Variants in CILK1 observed in about 807,000 individuals in gnomAD.
CILK1 encodes the protein serine/threonine-protein kinase ICK.
Under a neutral mutation model 79.2 loss-of-function variants are expected in CILK1, and 47 were observed. The ratio of observed to expected loss-of-function variants is 0.59; its 90% CI spans 0.47 to 0.76. CILK1 has a LOEUF of 0.76. Ranked by LOEUF, CILK1 falls within the 30% of genes least tolerant of loss-of-function variation. The probability of loss-of-function intolerance (pLI) is 0.00; values close to 1 mark genes in which losing one functional copy is unlikely to be tolerated. For missense variants in CILK1, 660 were observed against 769.5 expected, an observed-to-expected ratio of 0.86 and a Z score of 1.68; for synonymous variants, 266 against 275.9, an observed-to-expected ratio of 0.96 and a Z score of 0.36.
At chr6:53,022,419 G>A (rs956658679) in intron 5 of CILK1, among the ~76,000 whole-genome samples, 2 of 152,118 alleles carry the variant, frequency 1.3e-5, no homozygotes, top group African/African-American at 4.8e-5. Flanking sequence ...TTACCATTGT[G>A]TTACAATTGC....
At chr6:53,016,327 C>G in intron 7 of CILK1, 77 bp from the exon 8 acceptor site, 1 of 1,470,208 alleles carries the variant, frequency 6.8e-7, no homozygotes, top group Non-Finnish European at 9.5e-7. Flanking sequence ...ATGTGTGCCC[C>G]AAATGGAAAG....
intron 5 of CILK1, among the ~76,000 whole-genome samples, chr6:53,021,075 C>G (rs939251406): frequency 6.6e-6 from 1 of 152,208 alleles, no homozygotes; most frequent in African/African-American, 2.4e-5. Context: ...AATCCCAACA[C>G]TTTGGGAGGC....
intron 4 of CILK1, 38 bp from the exon 5 acceptor site, chr6:53,031,182 G>C (rs1177907290): frequency 1.5e-6 from 2 of 1,296,348 alleles, no homozygotes; most frequent in East Asian, 2.3e-5. Flanking sequence ...ATAAATCAAA[G>C]GCCAGATCCT....
chr6:53,014,317 C>A (rs186927517), intron 8 of CILK1, among the ~76,000 whole-genome samples: 2 of 152,254 alleles, frequency 1.3e-5, no homozygotes, highest in East Asian at 3.9e-4. Flanking sequence ...TCCTTCCAAG[C>A]CTATTTCCTC....
intron 1 of CILK1, among the ~76,000 whole-genome samples, chr6:53,053,995 AG>A (rs1051008153): frequency 1.5e-4 from 23 of 152,214 alleles, no homozygotes; most frequent in African/African-American, 4.8e-4. Flanking sequence ...CATTTGTCTA[AG>A]AAAAAAAAAA....
chr6:53,047,516 T>TC (rs57431527), intron 1 of CILK1, among the ~76,000 whole-genome samples: 120 of 148,058 alleles, frequency 8.1e-4, no homozygotes, highest in African/African-American at 2.6e-3. Context: ...TTTTTTTTTT[T>TC]CCCAGGTTGG....
intron 8 of CILK1, among the ~76,000 whole-genome samples, chr6:53,015,234 A>G (rs1764825302): frequency 6.6e-6 from 1 of 152,240 alleles, no homozygotes; most frequent in Admixed American, 6.5e-5. Flanking sequence ...TGTAATTGTC[A>G]GTGAGACAAG....
chr6:53,028,820 AGT>A (rs140225032), intron 5 of CILK1, among the ~76,000 whole-genome samples: 2,724 of 148,472 alleles, frequency 0.018, 76 homozygotes, highest in African/African-American at 0.057. Context: ...ACTACAGATG[AGT>A]GTGTGTGTGT....
intron 13 of CILK1, 133 bp downstream of exon 13, chr6:53,006,182 A>C: frequency 1.3e-6 from 1 of 776,934 alleles, no homozygotes; most frequent in Non-Finnish European, 2.1e-6. Flanking sequence ...GCACTTATTT[A>C]GCTTACTTAT....
At chr6:53,022,572 A>G (rs1348339020) in intron 5 of CILK1, among the ~76,000 whole-genome samples, 3 of 152,238 alleles carry the variant, frequency 2.0e-5, no homozygotes, top group Non-Finnish European at 4.4e-5. Flanking sequence ...CACAACAACA[A>G]AATTGTCTAA....
chr6:53,052,914 A>G (rs1225507961), intron 1 of CILK1, among the ~76,000 whole-genome samples: 6 of 147,906 alleles, frequency 4.1e-5, no homozygotes, highest in Non-Finnish European at 7.5e-5. Context: ...CACAGTCCCC[A>G]TTTTTTGCCT....
At chr6:53,057,389 G>A (rs1183767004) in intron 1 of CILK1, among the ~76,000 whole-genome samples, 2 of 152,078 alleles carry the variant, frequency 1.3e-5, no homozygotes, top group Non-Finnish European at 2.9e-5. Context: ...TGACATGGTG[G>A]GAAAAGCACC....
At chr6:53,033,715 T>C (rs1213189716) in intron 3 of CILK1, among the ~76,000 whole-genome samples, 1 of 152,196 alleles carries the variant, frequency 6.6e-6, no homozygotes, top group Non-Finnish European at 1.5e-5. Flanking sequence ...AGAAAACATG[T>C]GAAGAGGAAA....
chr6:53,040,453 C>T (rs928362137), intron 2 of CILK1, among the ~76,000 whole-genome samples: 4 of 152,260 alleles, frequency 2.6e-5, no homozygotes, highest in Admixed American at 6.5e-5. Context: ...CGGCAGGGAA[C>T]TGAGGCCCTC....
At chr6:53,028,999 C>T (rs1313680661) in intron 5 of CILK1, among the ~76,000 whole-genome samples, 1 of 151,792 alleles carries the variant, frequency 6.6e-6, no homozygotes, top group Non-Finnish European at 1.5e-5. Context: ...AGGTAGAGGC[C>T]TGGACAGAAG....
At position 53,025,550 on chromosome 6, in the gene CILK1, T is replaced by C. The variant is rs117673185; in HGVS notation, c.358+5515A>G. On this transcript the variant is annotated intron_variant, in intron 5 of 13. Coordinates refer to ENST00000676107, the MANE Select transcript of CILK1 (RefSeq NM_014920.5). ...ATACTTCCACAGAGGACATGCACAC[T>C]AATGAAATGAGGGGAAGGAAGATTC... is the stretch of plus-strand genomic sequence containing the variant. Among the ~76,000 whole-genome samples the C allele has an allele frequency of 1.2e-3, 186 of 152,306 alleles. 3 individuals are homozygous for C. The East Asian group carries it at 0.033, about 27-fold the overall frequency.
chr6:53,048,268 G>A (rs1767243015), intron 1 of CILK1, among the ~76,000 whole-genome samples: 1 of 152,188 alleles, frequency 6.6e-6, no homozygotes, highest in Admixed American at 6.5e-5. Flanking sequence ...ACCGGATGCT[G>A]GAAGCAAAGG....
chr6:53,046,542 A>C (rs2127459195), intron 1 of CILK1, among the ~76,000 whole-genome samples: 1 of 152,310 alleles, frequency 6.6e-6, no homozygotes, highest in East Asian at 1.9e-4. Context: ...CATATTATCA[A>C]GGAACAAAAT....
chr6:53,024,631 T>C (rs1372309126), intron 5 of CILK1, among the ~76,000 whole-genome samples: 3 of 152,158 alleles, frequency 2.0e-5, no homozygotes, highest in Non-Finnish European at 4.4e-5. Flanking sequence ...GACCATGGTT[T>C]GTCTTCCTAA....
Sources: allele counts gnomAD v4.1 joint callset (sites outside exome capture counted in the v4.1 genomes callset), GRCh38; gene constraint gnomAD v4.1.1; transcripts MANE v1.5; gene names NCBI Gene and HGNC (gene_info 2026-07-23, HGNC 2026-07-21).